Variants in ROBO2 observed in about 807,000 individuals in gnomAD.
ROBO2 encodes the protein roundabout homolog 2.
Under a neutral mutation model 160.8 loss-of-function variants are expected in ROBO2, and 53 were observed. That is an observed-to-expected ratio of 0.33 (90% CI 0.26 to 0.41). The LOEUF is 0.41. Among genes scored for constraint, ROBO2 ranks in the 10% least tolerant of loss-of-function variants. The pLI, the probability that ROBO2 is intolerant of heterozygous loss-of-function variation, is 1.00. For missense variants in ROBO2, 1,577 were observed against 1,722.4 expected (o/e 0.92, Z 1.49); for synonymous variants, 664 against 611.7 (o/e 1.09, Z -1.26).
At chr3:77,280,974 A>G (rs1265871499) in intron 2 of ROBO2, among the ~76,000 whole-genome samples, 1 of 152,224 alleles carries the variant, frequency 6.6e-6, no homozygotes, top group East Asian at 1.9e-4. Context: ...AGAGTGGAAA[A>G]TAGTTGTTGG....
intron 2 of ROBO2, among the ~76,000 whole-genome samples, chr3:76,010,170 G>T (rs1035833565): frequency 1.3e-5 from 2 of 152,182 alleles, no homozygotes; most frequent in Non-Finnish European, 2.9e-5. Context: ...TTAGTCCAGA[G>T]GACAGTGGTA....
intron 1 of ROBO2, among the ~76,000 whole-genome samples, chr3:75,920,366 T>TA (rs372147742): frequency 4.3e-4 from 65 of 152,368 alleles, no homozygotes; most frequent in African/African-American, 1.5e-3. Flanking sequence ...TTCTGAGTTC[T>TA]AATTTGATTA....
chr3:76,327,606 A>G (rs992475307), intron 2 of ROBO2, among the ~76,000 whole-genome samples: 3 of 152,226 alleles, frequency 2.0e-5, no homozygotes, highest in Non-Finnish European at 4.4e-5. Context: ...GGACACTAAT[A>G]TGATTAAATC....
At chr3:76,032,584 A>G (rs1057229803) in intron 2 of ROBO2, among the ~76,000 whole-genome samples, 2 of 152,290 alleles carry the variant, frequency 1.3e-5, no homozygotes, top group East Asian at 1.9e-4. Context: ...TTCAAAGAAC[A>G]TCTTTATTTC....
chr3:76,491,813 A>C (rs529760211), intron 2 of ROBO2, among the ~76,000 whole-genome samples: 35 of 152,208 alleles, frequency 2.3e-4, no homozygotes, highest in African/African-American at 7.5e-4. Flanking sequence ...GAAACAAACA[A>C]GCCAGGTGCG....
Position 76,675,357 on chromosome 3 carries a change from A to G in ROBO2, c.110-422657A>G, listed in dbSNP as rs75068887. ...TCAGAGAGTACTCGAAGCAATTTACATACTGCAGAAAAAATCTTACATTTC... is the reference window on the plus strand; with the variant it reads ...TCAGAGAGTACTCGAAGCAATTTACGTACTGCAGAAAAAATCTTACATTTC... On this transcript the variant is annotated intron_variant, in intron 2 of 26. Coordinates refer to the ROBO2 transcript ENST00000487694. Among the ~76,000 whole-genome samples, 276 of 152,322 alleles carry G rather than the reference A, an allele frequency of 1.8e-3. 1 individual carries two copies. Among genetic ancestry groups the G allele is most frequent in the African/African-American group, 6.3e-3 (264 of 41,584 alleles).
intron 2 of ROBO2, among the ~76,000 whole-genome samples, chr3:76,077,829 G>GAGT (rs1332789425): frequency 6.6e-6 from 1 of 152,174 alleles, no homozygotes; most frequent in Non-Finnish European, 1.5e-5. Flanking sequence ...TCAGCAAAGT[G>GAGT]AGTTGGAAGA....
chr3:76,746,348 C>T (rs1485052245), intron 2 of ROBO2, among the ~76,000 whole-genome samples: 1 of 151,864 alleles, frequency 6.6e-6, no homozygotes, highest in African/African-American at 2.4e-5. Context: ...GGTATATACC[C>T]AGTAATGGGA....
chr3:75,992,599 C>T (rs2065606352), intron 2 of ROBO2, among the ~76,000 whole-genome samples: 1 of 152,242 alleles, frequency 6.6e-6, no homozygotes, highest in South Asian at 2.1e-4. Flanking sequence ...GGAGTTGGAG[C>T]CCCCACAGAG....
intron 2 of ROBO2, among the ~76,000 whole-genome samples, chr3:76,414,558 T>C (rs1015073400): frequency 1.6e-4 from 21 of 135,294 alleles, no homozygotes; most frequent in Non-Finnish European, 2.9e-4. Context: ...TAGGTGGGAA[T>C]TGAACAATGA....
At chr3:76,516,391 C>A (rs2081348216) in intron 2 of ROBO2, among the ~76,000 whole-genome samples, 1 of 152,090 alleles carries the variant, frequency 6.6e-6, no homozygotes, top group African/African-American at 2.4e-5. Context: ...TCAGAGCTTC[C>A]ACAAAGTTTT....
At chr3:77,007,564 T>C (rs2149446119) in intron 2 of ROBO2, among the ~76,000 whole-genome samples, 1 of 152,246 alleles carries the variant, frequency 6.6e-6, no homozygotes, top group South Asian at 2.1e-4. Flanking sequence ...ACTTTTACTA[T>C]AGACGATATT....
chr3:76,431,364 T>A (rs1432065570), intron 2 of ROBO2, among the ~76,000 whole-genome samples: 3 of 152,154 alleles, frequency 2.0e-5, no homozygotes, highest in Non-Finnish European at 4.4e-5. Context: ...AGTAGCCTTA[T>A]AATATTAAGA....
intron 2 of ROBO2, among the ~76,000 whole-genome samples, chr3:76,318,436 C>A (rs187108626): frequency 6.6e-6 from 1 of 152,062 alleles, no homozygotes; most frequent in African/African-American, 2.4e-5. Flanking sequence ...CCCTCTCCTC[C>A]CGTTTCCAAA....
chr3:77,047,859 C>T (rs1027671713), intron 1 of ROBO2, among the ~76,000 whole-genome samples: 44 of 151,354 alleles, frequency 2.9e-4, no homozygotes, highest in African/African-American at 9.4e-4. Context: ...CTGGCTAATA[C>T]GGCGAAACCC....
Position 76,487,759 on chromosome 3 carries a change from C to T in ROBO2, c.109+550157C>T, listed in dbSNP as rs568396890. Among the ~76,000 whole-genome samples the T allele has an allele frequency of 2.6e-5, 4 of 152,324 alleles. No homozygotes were observed. In the East Asian group the frequency reaches 5.8e-4, roughly 22 times the overall value. ...AGATCTTCCTAGTTCCCTCAGGTAG[C>T]TGAAAGAATTAATCTCTTTGCAGTT... is the stretch of plus-strand genomic sequence containing the variant. On this transcript the variant is annotated intron_variant, in intron 2 of 26. Coordinates refer to the ROBO2 transcript ENST00000487694.
intron 24 of ROBO2, among the ~76,000 whole-genome samples, chr3:77,636,628 AG>A (rs1183275435): frequency 1.1e-4 from 17 of 152,098 alleles, no homozygotes; most frequent in Non-Finnish European, 2.2e-4. Context: ...AAATAAAAGT[AG>A]AATGATGGAA....
chr3:77,131,586 G>A (rs1388910358), intron 2 of ROBO2, among the ~76,000 whole-genome samples: 2 of 152,056 alleles, frequency 1.3e-5, no homozygotes, highest in African/African-American at 4.8e-5. Flanking sequence ...AGTAACATAA[G>A]GGGAAATATG....
chr3:77,332,627 C>T (rs886818080), intron 2 of ROBO2, among the ~76,000 whole-genome samples: 1 of 152,046 alleles, frequency 6.6e-6, no homozygotes, highest in African/African-American at 2.4e-5. Flanking sequence ...ACATACATAA[C>T]TGTTATGTAC....
Sources: gnomAD v4.1 joint callset for allele counts (sites outside exome capture counted in the v4.1 genomes callset) on GRCh38, gnomAD v4.1.1 for gene constraint, MANE v1.5 for transcripts, NCBI Gene and HGNC (gene_info 2026-07-23, HGNC 2026-07-21) for gene names.